The following NRXN3 variants were observed in gnomAD, a reference collection of about 807,000 sequenced individuals.
NRXN3 encodes neurexin III.
In NRXN3, 32 loss-of-function variants were observed where a neutral mutation model predicts 137.6. That is an observed-to-expected ratio of 0.23 (90% CI 0.18 to 0.31). The LOEUF is 0.31. Ranked by LOEUF, NRXN3 falls within the 10% of genes least tolerant of loss-of-function variation. The pLI is 1.00. For missense variants in NRXN3, 1,574 were observed against 2,062.5 expected, an observed-to-expected ratio of 0.76 and a Z score of 4.59; for synonymous variants, 798 against 784.5, an observed-to-expected ratio of 1.02 and a Z score of -0.29.
At chr14:79,678,342 C>T (rs1351546925) in intron 17 of NRXN3, among the ~76,000 whole-genome samples, 2 of 152,102 alleles carry the variant, frequency 1.3e-5, no homozygotes. Flanking sequence ...CTCAAATTCT[C>T]CTCTAAAAGT....
At chr14:79,820,736 G>C (rs2099269346) in intron 20 of NRXN3, among the ~76,000 whole-genome samples, 1 of 152,044 alleles carries the variant, frequency 6.6e-6, no homozygotes, top group Non-Finnish European at 1.5e-5. Context: ...GCTCCAACTT[G>C]TTGAGAACAT....
intron 8 of NRXN3, among the ~76,000 whole-genome samples, chr14:78,798,846 G>A (rs1401295088): frequency 6.6e-6 from 1 of 152,200 alleles, no homozygotes; most frequent in African/African-American, 2.4e-5. Flanking sequence ...CTGAAGCCAC[G>A]GCCTGAGCTC....
At chr14:79,636,968 TA>T (rs1227009328) in intron 16 of NRXN3, among the ~76,000 whole-genome samples, 1 of 152,210 alleles carries the variant, frequency 6.6e-6, no homozygotes, top group African/African-American at 2.4e-5. Context: ...GGATGTAGCA[TA>T]GGGGTAAGAC....
chr14:79,593,245 TAAGAA>T (rs983005850), intron 16 of NRXN3, among the ~76,000 whole-genome samples: 43 of 152,274 alleles, frequency 2.8e-4, no homozygotes, highest in African/African-American at 9.9e-4. Flanking sequence ...TTCACATCCT[TAAGAA>T]AATAAAACTC....
intron 15 of NRXN3, among the ~76,000 whole-genome samples, chr14:79,183,985 C>T (rs1305688823): frequency 6.6e-6 from 1 of 152,094 alleles, no homozygotes; most frequent in Non-Finnish European, 1.5e-5. Context: ...TTCCACAATT[C>T]AAAGTAATAA....
intron 4 of NRXN3, among the ~76,000 whole-genome samples, chr14:78,343,672 G>T (rs1317862453): frequency 6.6e-6 from 1 of 152,150 alleles, no homozygotes; most frequent in East Asian, 1.9e-4. Context: ...TTAAAAATCT[G>T]GTGCTTCCTC....
At chr14:78,515,120 A>G (rs1303146948) in intron 4 of NRXN3, among the ~76,000 whole-genome samples, 1 of 152,176 alleles carries the variant, frequency 6.6e-6, no homozygotes, top group East Asian at 1.9e-4. Context: ...AAACCGCTGT[A>G]TTAAAGGAAA....
At chr14:79,652,223 CTA>C (rs1360379850) in intron 16 of NRXN3, among the ~76,000 whole-genome samples, 1 of 152,142 alleles carries the variant, frequency 6.6e-6, no homozygotes, top group African/African-American at 2.4e-5. Context: ...CTACAAATAA[CTA>C]TTTCTCTAGC....
chr14:78,510,382 T>C (rs1488015218), intron 4 of NRXN3, among the ~76,000 whole-genome samples: 2 of 152,162 alleles, frequency 1.3e-5, no homozygotes, highest in Non-Finnish European at 2.9e-5. Flanking sequence ...ACTCTATGCT[T>C]AGCTCTAATC....
At chr14:78,826,437 T>A (rs531812135) in intron 10 of NRXN3, among the ~76,000 whole-genome samples, 2 of 152,266 alleles carry the variant, frequency 1.3e-5, no homozygotes, top group Non-Finnish European at 2.9e-5. Context: ...CTGGCTCATG[T>A]TCCATTGTGC....
chr14:79,269,515 T>A (rs570787495), intron 15 of NRXN3, among the ~76,000 whole-genome samples: 15 of 152,296 alleles, frequency 9.8e-5, no homozygotes, highest in African/African-American at 3.6e-4. Flanking sequence ...ATAGCTAACA[T>A]CCTTCTTTTT....
At chr14:79,711,965 A>G (rs1039738874) in intron 19 of NRXN3, among the ~76,000 whole-genome samples, 7 of 152,036 alleles carry the variant, frequency 4.6e-5, no homozygotes, top group Non-Finnish European at 1.0e-4. Flanking sequence ...TATTGCATGA[A>G]TGTTCACCTC....
intron 15 of NRXN3, among the ~76,000 whole-genome samples, chr14:79,031,913 A>G (rs1270502520): frequency 6.6e-6 from 1 of 152,154 alleles, no homozygotes; most frequent in Admixed American, 6.6e-5. Context: ...CTGAGACTGC[A>G]GAGGTTTGTG....
chr14:79,539,628 CCT>C (rs2097252936), intron 16 of NRXN3, among the ~76,000 whole-genome samples: 1 of 152,168 alleles, frequency 6.6e-6, no homozygotes, highest in African/African-American at 2.4e-5. Context: ...GCTCACCTCC[CCT>C]CTTTCTCTTA....
chr14:79,500,001 G>A (rs59306232), intron 16 of NRXN3, among the ~76,000 whole-genome samples: 12,666 of 148,068 alleles, frequency 0.086, 1,291 homozygotes, highest in East Asian at 0.35. Context: ...GTTAAAGGAC[G>A]AATAAAGTAA....
At position 79,255,444 on chromosome 14, in the gene NRXN3, T is replaced by G. The variant is rs115809406; in HGVS notation, c.3263-211777T>G. On this transcript the variant is annotated intron_variant, in intron 15 of 20. Coordinates refer to ENST00000335750, the MANE Select transcript of NRXN3 (RefSeq NM_001330195.2). ...AGTATGACAACCAGAGCCAGAGATA[T>G]TGGGTTCCAATCCTACCATTTAATC... Among the ~76,000 whole-genome samples the G allele has an allele frequency of 6.8e-3, 1,040 of 152,320 alleles. 9 individuals are homozygous for G. The highest frequency in any genetic ancestry group is 0.023 in the African/African-American group (977 of 41,580).
At chr14:79,084,769 A>G (rs1378435101) in intron 15 of NRXN3, among the ~76,000 whole-genome samples, 4 of 151,986 alleles carry the variant, frequency 2.6e-5, no homozygotes, top group African/African-American at 9.7e-5. Flanking sequence ...ACAAAGGTCA[A>G]GCACATGTTC....
In NRXN3 at chr14:79,256,191, T is replaced by TCA. The variant is rs796426390; in HGVS notation, c.3263-211016_3263-211015dup. Among the ~76,000 whole-genome samples, 1,039 of 150,420 alleles carry TCA rather than the reference T, an allele frequency of 6.9e-3. 8 individuals carry two copies. Among genetic ancestry groups the TCA allele is most frequent in the African/African-American group, 0.023 (962 of 41,080 alleles). ...CTCTCTGTCTCTCTCTCTCTCTCTCTCACACACACACACACCCCCCAGAAG... is the reference window on the plus strand; with the variant it reads ...CTCTCTGTCTCTCTCTCTCTCTCTCTCACACACACACACACACCCCCCAGAAG... On this transcript the variant is annotated intron_variant, in intron 15 of 20. Coordinates refer to ENST00000335750, the MANE Select transcript of NRXN3 (RefSeq NM_001330195.2).
intron 20 of NRXN3, among the ~76,000 whole-genome samples, chr14:79,816,319 C>T (rs528373588): frequency 2.6e-5 from 4 of 152,302 alleles, no homozygotes; most frequent in African/African-American, 9.6e-5. Flanking sequence ...TGACACGCTC[C>T]TTTGTGGAGC....
Sources: gnomAD v4.1 joint callset for allele counts (sites outside exome capture counted in the v4.1 genomes callset) on GRCh38, gnomAD v4.1.1 for gene constraint, MANE v1.5 for transcripts, NCBI Gene and HGNC (gene_info 2026-07-23, HGNC 2026-07-21) for gene names.